The following AGAP1 variants were observed in gnomAD, a reference collection of about 807,000 sequenced individuals.
AGAP1 encodes the protein arf-GAP with GTPase, ANK repeat and PH domain-containing protein 1.
In AGAP1, 29 loss-of-function variants were observed where a neutral mutation model predicts 105.3. That is an observed-to-expected ratio of 0.28 (90% CI 0.21 to 0.38). AGAP1 has a LOEUF of 0.38. Among genes scored for constraint, AGAP1 ranks in the 10% least tolerant of loss-of-function variants. AGAP1 has a pLI of 1.00. For synonymous variants in AGAP1, 509 were observed against 485.9 expected, an observed-to-expected ratio of 1.05 and a Z score of -0.63; for missense variants, 998 against 1,165.1, an observed-to-expected ratio of 0.86 and a Z score of 2.09.
chr2:235,593,324 A>C (rs1479402608), intron 1 of AGAP1, among the ~76,000 whole-genome samples: 1 of 152,224 alleles, frequency 6.6e-6, no homozygotes, highest in Non-Finnish European at 1.5e-5. Context: ...TTAGGAAACA[A>C]AAGTGGAACA....
intron 12 of AGAP1, among the ~76,000 whole-genome samples, chr2:235,948,587 T>G (rs535292607): frequency 3.9e-5 from 6 of 152,268 alleles, no homozygotes; most frequent in African/African-American, 1.4e-4. Context: ...GCTTTGGCAG[T>G]AGGGATGTTT....
At chr2:236,103,474 C>G (rs2059408708) in intron 16 of AGAP1, among the ~76,000 whole-genome samples, 1 of 152,018 alleles carries the variant, frequency 6.6e-6, no homozygotes, top group African/African-American at 2.4e-5. Flanking sequence ...TTCTCCTGGG[C>G]CCCTTGTTTG....
rs370273529 is a variant in AGAP1, at chr2:235,862,050, T to C, written c.1051-21295T>C. On this transcript the variant is annotated intron_variant, in intron 9 of 17. Coordinates refer to ENST00000304032, the MANE Select transcript of AGAP1 (RefSeq NM_001037131.3). The stretch of plus-strand genomic sequence containing the variant: ...CAGGAGTGCCTCCTTCAGCTTGTAC[T>C]ACCGGATGGCTTAGCACCTGGCGAG... Among the ~76,000 whole-genome samples the C allele has an allele frequency of 5.9e-5, 9 of 152,222 alleles. No homozygotes were observed. The East Asian group carries it at 9.7e-4, about 16-fold the overall frequency.
At chr2:235,604,035 G>A (rs1057451719) in intron 1 of AGAP1, among the ~76,000 whole-genome samples, 1 of 151,872 alleles carries the variant, frequency 6.6e-6, no homozygotes, top group Admixed American at 6.6e-5. Context: ...GGTGGATCTT[G>A]CTAGAAGCTC....
intron 12 of AGAP1, among the ~76,000 whole-genome samples, chr2:235,943,362 A>ATTT (rs562379887): frequency 7.9e-5 from 10 of 127,112 alleles, no homozygotes; most frequent in Non-Finnish European, 1.1e-4. Flanking sequence ...AAAGGACTTA[A>ATTT]TTTTTTTTTT....
In AGAP1 at chr2:235,612,145, AT is replaced by A; in HGVS notation, c.164-97032del. 6.6e-6 allele frequency among the ~76,000 whole-genome samples: 1 copy of A among 152,284 alleles called. No individual in the cohort carries two copies. The highest frequency in any genetic ancestry group is 2.1e-4 in the South Asian group (1 of 4,816). The stretch of plus-strand genomic sequence containing the variant: ...CAGGACTTTGTTTTCCAGATGGCTT[AT>A]TGTTTCACACGTTTTCTTTTCTCAG... On this transcript the variant is annotated intron_variant, in intron 1 of 17. Coordinates refer to ENST00000304032, the MANE Select transcript of AGAP1 (RefSeq NM_001037131.3). This position sits in a 1 kb window ranked among gnomAD's most constrained non-coding sequence, Gnocchi z 4.3.
rs749889130 is a variant in AGAP1 at position 235,964,618 on chromosome 2, T to C, written c.1484-3844T>C. On this transcript the variant is annotated intron_variant, in intron 12 of 17. Coordinates refer to ENST00000304032, the MANE Select transcript of AGAP1 (RefSeq NM_001037131.3). This position sits in a 1 kb window ranked among gnomAD's most constrained non-coding sequence, Gnocchi z 4.6. ...TGGATGCCCCACCCCCTGAACGTTA[T>C]GAGGCTTCTGAACACTGTTAAATCA... 5.9e-5 allele frequency among the ~76,000 whole-genome samples: 9 copies of C among 152,196 alleles called. No individual in the cohort carries two copies. Among genetic ancestry groups the C allele is most frequent in the Admixed American group, 6.5e-5 (1 of 15,272 alleles).
chr2:235,594,221 T>A (rs938993912), intron 1 of AGAP1, among the ~76,000 whole-genome samples: 2 of 152,122 alleles, frequency 1.3e-5, no homozygotes, highest in Non-Finnish European at 2.9e-5. Flanking sequence ...CTTACATGGC[T>A]TTTAAGATGC....
In AGAP1 at chr2:236,040,717, T is replaced by A; in HGVS notation, c.1801-34T>A. 1.9e-6 allele frequency: 3 copies of A among 1,609,548 alleles called. No individual in the cohort carries two copies. The South Asian group carries it at 3.3e-5, about 18-fold the overall frequency. The stretch of plus-strand genomic sequence containing the variant: ...TGATGTGCGTTTCTCCCGGGGTGCT[T>A]ACGCCTTGTATTTGTGTCTTCCTCC... On this transcript the variant is annotated intron_variant, in intron 14 of 17. Transcript: ENST00000304032. The surrounding 1 kb of genome is among the most constrained non-coding windows in gnomAD (Gnocchi z 5.6).
rs978041446 is a variant in AGAP1 at position 235,958,920 on chromosome 2, A to T, written c.1484-9542A>T. On this transcript the variant is annotated intron_variant, in intron 12 of 17. Coordinates refer to ENST00000304032, the MANE Select transcript of AGAP1 (RefSeq NM_001037131.3). This position sits in a 1 kb window ranked among gnomAD's most constrained non-coding sequence, Gnocchi z 4.1. ...AAGCTCGGAGAGACTGCAGATTGTG[A>T]TCATTATTGCTCGTATTATATATTT... Among the ~76,000 whole-genome samples, 1 of 152,096 alleles carries T rather than the reference A, an allele frequency of 6.6e-6. No individual in the cohort carries two copies. The highest frequency in any genetic ancestry group is 2.4e-5 in the African/African-American group (1 of 41,418).
rs1193512957 is a variant in AGAP1 at position 235,689,471 on chromosome 2, A to G, written c.164-19708A>G. 6.6e-6 allele frequency among the ~76,000 whole-genome samples: 1 copy of G among 152,274 alleles called. No homozygotes were observed. Among genetic ancestry groups the G allele is most frequent in the African/African-American group, 2.4e-5 (1 of 41,476 alleles). On this transcript the variant is annotated intron_variant, in intron 1 of 17. Transcript: ENST00000304032. This position sits in a 1 kb window ranked among gnomAD's most constrained non-coding sequence, Gnocchi z 4.2. The stretch of plus-strand genomic sequence containing the variant: ...CAATTTTGACTGCAGAGAGGCAGGC[A>G]GAATAGCTTGTCCAGGAAAATAATA...
At chr2:236,022,742 G>T (rs1290196473) in intron 13 of AGAP1, among the ~76,000 whole-genome samples, 2 of 152,068 alleles carry the variant, frequency 1.3e-5, no homozygotes, top group Non-Finnish European at 2.9e-5. Flanking sequence ...GCCATGTTGC[G>T]CAGGCTGCTC....
At chr2:235,859,397 C>G (rs1411846565) in intron 9 of AGAP1, among the ~76,000 whole-genome samples, 2 of 81,828 alleles carry the variant, frequency 2.4e-5, no homozygotes, top group African/African-American at 6.1e-5. Context: ...ACAACCTCCC[C>G]CCCCCCCCCC....
intron 16 of AGAP1, among the ~76,000 whole-genome samples, chr2:236,099,223 G>C (rs2059278672): frequency 6.6e-6 from 1 of 151,946 alleles, no homozygotes; most frequent in Non-Finnish European, 1.5e-5. Context: ...GAGGCCGAGG[G>C]AGGCGGATCA....
chr2:235,605,384 T>C (rs539225550), intron 1 of AGAP1, among the ~76,000 whole-genome samples: 1 of 152,326 alleles, frequency 6.6e-6, no homozygotes, highest in East Asian at 1.9e-4. Context: ...GCACAGCTAA[T>C]ACCCAGAGAG....
At chr2:235,903,520 G>A (rs920550259) in intron 10 of AGAP1, among the ~76,000 whole-genome samples, 1 of 152,208 alleles carries the variant, frequency 6.6e-6, no homozygotes, top group Non-Finnish European at 1.5e-5. Flanking sequence ...GTAACCTCCG[G>A]ATGTGAGGCA....
At chr2:235,939,945 C>A (rs541861687) in intron 12 of AGAP1, among the ~76,000 whole-genome samples, 1 of 152,264 alleles carries the variant, frequency 6.6e-6, no homozygotes, top group East Asian at 1.9e-4. Flanking sequence ...TTCACATCCC[C>A]AGCCATGACT....
At chr2:235,785,526 CT>C (rs1381199703) in intron 6 of AGAP1, among the ~76,000 whole-genome samples, 2 of 152,016 alleles carry the variant, frequency 1.3e-5, no homozygotes, top group African/African-American at 4.8e-5. Context: ...TTATCTTGAT[CT>C]TCTCATCTTT....
intron 8 of AGAP1, among the ~76,000 whole-genome samples, chr2:235,805,278 T>A (rs939525706): frequency 1.3e-5 from 2 of 152,224 alleles, no homozygotes; most frequent in Non-Finnish European, 2.9e-5. Flanking sequence ...ATATTGAGTT[T>A]GGTGGTTCAC....
Sources: allele counts gnomAD v4.1 joint callset (sites outside exome capture counted in the v4.1 genomes callset), GRCh38; gene constraint gnomAD v4.1.1; non-coding constraint Gnocchi (gnomAD v3.1); transcripts MANE v1.5; gene names NCBI Gene and HGNC (gene_info 2026-07-23, HGNC 2026-07-21).